Variants in ABLIM2 observed in about 807,000 individuals in gnomAD.
The protein encoded by ABLIM2 is actin-binding LIM protein 2.
Under a neutral mutation model 97.7 loss-of-function variants are expected in ABLIM2, and 53 were observed. The observed-to-expected ratio is 0.54, with a 90% CI of 0.44 to 0.68. The LOEUF (loss-of-function observed/expected upper bound fraction) is 0.68, where lower values mean the gene tolerates loss of function less well. ABLIM2 is among the 30% of genes least tolerant of loss of function. ABLIM2 has a pLI of 0.00. For missense variants in ABLIM2, 835 were observed against 867.2 expected, an observed-to-expected ratio of 0.96 and a Z score of 0.47; for synonymous variants, 361 against 345.8, an observed-to-expected ratio of 1.04 and a Z score of -0.49.
intron 12 of ABLIM2, among the ~76,000 whole-genome samples, chr4:8,026,422 C>T (rs928610690): frequency 2.0e-5 from 3 of 152,230 alleles, no homozygotes; most frequent in Admixed American, 1.3e-4. Flanking sequence ...CCACGGGGCC[C>T]GCCCAAAGCA....
Position 7,998,894 on chromosome 4 carries a change from C to T in ABLIM2, c.1619-5967G>A, listed in dbSNP as rs1014507844. Among the ~76,000 whole-genome samples the T allele has an allele frequency of 1.3e-5, 2 of 152,138 alleles. No individual in the cohort carries two copies. The highest frequency in any genetic ancestry group is 6.6e-5 in the Admixed American group (1 of 15,264). ...CCGTCTGCCGTATCATTTGCAGGTC[C>T]GTTTAGCTGTATGTAGCAGAGAAGA... On this transcript the variant is annotated intron_variant, in intron 16 of 20. Transcript: ENST00000447017. This position sits in a 1 kb window ranked among gnomAD's most constrained non-coding sequence, Gnocchi z 6.4.
In ABLIM2 at chr4:7,992,274, A is replaced by G. The variant is rs1749457801; in HGVS notation, c.1680+592T>C. Among the ~76,000 whole-genome samples, 1 of 152,158 alleles carries G rather than the reference A, an allele frequency of 6.6e-6. No homozygotes were observed. The highest frequency in any genetic ancestry group is 1.5e-5 in the Non-Finnish European group (1 of 68,018). On this transcript the variant is annotated intron_variant, in intron 17 of 20. Coordinates refer to ENST00000447017, the MANE Select transcript of ABLIM2 (RefSeq NM_001130083.2). The surrounding 1 kb of genome is among the most constrained non-coding windows in gnomAD (Gnocchi z 5.7). ...CCCCAGATTGTCTGGGCTCATATTCAGATGTCCCAAGCATCAGAAAACTCA... is the reference window on the plus strand; with the variant it reads ...CCCCAGATTGTCTGGGCTCATATTCGGATGTCCCAAGCATCAGAAAACTCA...
At chr4:7,979,376 C>T (rs1310552148) in intron 20 of ABLIM2, among the ~76,000 whole-genome samples, 1 of 152,232 alleles carries the variant, frequency 6.6e-6, no homozygotes, top group Non-Finnish European at 1.5e-5. Flanking sequence ...ATCTCCCACC[C>T]TCCCGCAGGC....
chr4:8,005,624 G>A lies in ABLIM2; in HGVS notation c.1618+2435C>T, dbSNP rs1231854027. ...TCCCGCCTGGATTCCTCAGGAGGCC[G>A]CAGACGGCAAGGCTCACCTGATCCA... On this transcript the variant is annotated intron_variant, in intron 16 of 20. Coordinates refer to ENST00000447017, the MANE Select transcript of ABLIM2 (RefSeq NM_001130083.2). This position sits in a 1 kb window ranked among gnomAD's most constrained non-coding sequence, Gnocchi z 4.9. Among the ~76,000 whole-genome samples the A allele has an allele frequency of 6.6e-6, 1 of 152,164 alleles. No individual in the cohort carries two copies. The highest frequency in any genetic ancestry group is 1.5e-5 in the Non-Finnish European group (1 of 68,044).
rs1845801877 is a variant in ABLIM2 at position 8,122,226 on chromosome 4, T to G, written c.11-15589A>C. 6.6e-6 allele frequency among the ~76,000 whole-genome samples: 1 copy of G among 152,180 alleles called. No homozygotes were observed. Among genetic ancestry groups the G allele is most frequent in the East Asian group, 1.9e-4 (1 of 5,186 alleles). ...CTGGATGGGGAGTCTCGCTGCCCCC[T>G]GTGCATCTCCATCATATCCGAATGG... On this transcript the variant is annotated intron_variant, in intron 1 of 20. Transcript: ENST00000447017. This position sits in a 1 kb window ranked among gnomAD's most constrained non-coding sequence, Gnocchi z 4.1.
intron 2 of ABLIM2, among the ~76,000 whole-genome samples, chr4:8,106,144 C>T (rs556484810): frequency 4.4e-4 from 67 of 152,330 alleles, no homozygotes; most frequent in Non-Finnish European, 6.8e-4. Context: ...TGAGTTCATG[C>T]GGCTGACCAT....
At position 8,124,621 on chromosome 4, in the gene ABLIM2, G is replaced by C. The variant is rs369458227; in HGVS notation, c.11-17984C>G. 1.2e-3 allele frequency among the ~76,000 whole-genome samples: 181 copies of C among 152,300 alleles called. 3 individuals carry two copies. The South Asian group carries it at 0.036, about 30-fold the overall frequency. On this transcript the variant is annotated intron_variant, in intron 1 of 20. Coordinates refer to ENST00000447017, the MANE Select transcript of ABLIM2 (RefSeq NM_001130083.2). This position sits in a 1 kb window ranked among gnomAD's most constrained non-coding sequence, Gnocchi z 6.1. ...TTTGATGGCTGAGAAATATTCCGTT[G>C]TACAGACAGACCCTATTTGGCTCAT...
rs891920090 is a variant in ABLIM2 at position 8,027,807 on chromosome 4, G to C, written c.1219C>G (p.Pro407Ala). ...TSSCLSLSQHPSPTSVFRHHY... is the reference protein window; with the variant it reads ...TSSCLSLSQHASPTSVFRHHY... ...TGTCTGAACACGGATGTAGGGCTTG[G>C]GTGTTGGGACAGGGAGAGGCAGCTA... Residue 407 changes from proline (P) to alanine (A), a missense_variant, in exon 12 of 21, where the codon CCA (proline) becomes GCA (alanine). Coordinates refer to ENST00000447017, the MANE Select transcript of ABLIM2 (RefSeq NM_001130083.2). The C allele has an allele frequency of 1.2e-6, 2 of 1,601,612 alleles. No individual in the cohort carries two copies. The highest frequency in any genetic ancestry group is 2.2e-5 in the South Asian group (2 of 89,144).
chr4:8,039,894 T>TTCC (rs34998079), intron 9 of ABLIM2, among the ~76,000 whole-genome samples: 12 of 145,546 alleles, frequency 8.2e-5, no homozygotes, highest in South Asian at 2.1e-4. Context: ...TTTTTTTTTT[T>TTCC]TTAATAAATG....
rs1722460002 is a variant in ABLIM2 at position 7,965,330 on chromosome 4, T to C, written c.*1660A>G. 6.5e-6 allele frequency: 1 copy of C among 152,712 alleles called. No homozygotes were observed. The highest frequency in any genetic ancestry group is 6.5e-5 in the Admixed American group (1 of 15,290). The allele number at this position is 152,712 out of a possible 1,614,324, so 9.5% of individuals were successfully genotyped here. A position where few individuals can be genotyped will look rare whatever the true frequency, so the allele number is the denominator to read the frequency against. On this transcript the variant is annotated 3_prime_UTR_variant, in exon 21 of 21. Coordinates refer to ENST00000447017, the MANE Select transcript of ABLIM2 (RefSeq NM_001130083.2). Reference sequence around the variant, plus strand: ...AGTGATCTTGTACTTCCGCAAGTTATAATGCATCGTCTTTTATTTTCCAGG... The same window carrying C: ...AGTGATCTTGTACTTCCGCAAGTTACAATGCATCGTCTTTTATTTTCCAGG...
chr4:8,035,447 G>C (rs778700248), intron 10 of ABLIM2, among the ~76,000 whole-genome samples: 1 of 152,162 alleles, frequency 6.6e-6, no homozygotes, highest in Non-Finnish European at 1.5e-5. Context: ...TCCCCACCCC[G>C]GGGAGCCCCC....
intron 1 of ABLIM2, among the ~76,000 whole-genome samples, chr4:8,108,610 C>T (rs1435245317): frequency 6.6e-6 from 1 of 152,262 alleles, no homozygotes; most frequent in African/African-American, 2.4e-5. Context: ...CCCCGCTTTC[C>T]AGTTAGGATC....
Position 8,010,003 on chromosome 4 carries a change from T to C in ABLIM2, c.1424-901A>G, listed in dbSNP as rs116987204. Reference sequence around the variant, plus strand: ...TAACTGCTGCTGGCAAACTGCAAAATGGTGACGAGTTCTGCTACTGGAAGA... The same window carrying C: ...TAACTGCTGCTGGCAAACTGCAAAACGGTGACGAGTTCTGCTACTGGAAGA... On this transcript the variant is annotated intron_variant, in intron 14 of 20. Coordinates refer to ENST00000447017, the MANE Select transcript of ABLIM2 (RefSeq NM_001130083.2). 1.1e-3 allele frequency among the ~76,000 whole-genome samples: 161 copies of C among 152,268 alleles called. 7 individuals carry two copies. The East Asian group carries it at 0.028, about 27-fold the overall frequency.
At position 7,998,784 on chromosome 4, in the gene ABLIM2, G is replaced by A. The variant is rs1380837623; in HGVS notation, c.1619-5857C>T. The A allele has an allele frequency of 2.2e-6, 1 of 451,722 alleles. No homozygotes were observed. Among genetic ancestry groups the A allele is most frequent in the African/African-American group, 2.0e-5 (1 of 50,074 alleles). The allele number at this position is 451,722 out of a possible 1,614,324, so 28.0% of individuals were successfully genotyped here. A position where few individuals can be genotyped will look rare whatever the true frequency, so the allele number is the denominator to read the frequency against. ...TGCTGGGTGGGGGTGGGAGTGGGCA[G>A]GCAGGGCTGCTGTCCCTTGAGGTCC... is the stretch of plus-strand genomic sequence containing the variant. On this transcript the variant is annotated intron_variant, in intron 16 of 20. Transcript: ENST00000447017. The surrounding 1 kb of genome is among the most constrained non-coding windows in gnomAD (Gnocchi z 6.4).
intron 17 of ABLIM2, among the ~76,000 whole-genome samples, chr4:7,987,544 G>C (rs2149798492): frequency 6.6e-6 from 1 of 152,336 alleles, no homozygotes; most frequent in East Asian, 1.9e-4. Flanking sequence ...TTGCCACCTG[G>C]CATGTCTGAT....
rs1383495151 is a variant in ABLIM2 at position 8,032,733 on chromosome 4, G to A, written c.1048-2957C>T. Reference sequence around the variant, plus strand: ...TTAGTGCTGGCGCCAGGCAGAGAGGGAGGAGGGCAGTTCCGTGACTGGCAG... The same window carrying A: ...TTAGTGCTGGCGCCAGGCAGAGAGGAAGGAGGGCAGTTCCGTGACTGGCAG... On this transcript the variant is annotated intron_variant, in intron 10 of 20. Transcript: ENST00000447017. The surrounding 1 kb of genome is among the most constrained non-coding windows in gnomAD (Gnocchi z 4.3). 3.8e-6 allele frequency: 6 copies of A among 1,590,948 alleles called. No homozygotes were observed. Among genetic ancestry groups the A allele is most frequent in the African/African-American group, 3.1e-5 (2 of 64,588 alleles).
chr4:8,084,228 G>T (rs1163329500), intron 4 of ABLIM2, among the ~76,000 whole-genome samples: 1 of 152,196 alleles, frequency 6.6e-6, no homozygotes, highest in Non-Finnish European at 1.5e-5. Flanking sequence ...CGGCCCCAGC[G>T]CACTGCGGTC....
At chr4:8,116,507 G>T (rs1842863823) in intron 1 of ABLIM2, among the ~76,000 whole-genome samples, 1 of 152,208 alleles carries the variant, frequency 6.6e-6, no homozygotes, top group Non-Finnish European at 1.5e-5. Context: ...TGGGGATTTT[G>T]CAAGGGGTCT....
chr4:8,071,817 T>G lies in ABLIM2; in HGVS notation c.675+5811A>C. 1 of 985,168 alleles carries G rather than the reference T, an allele frequency of 1.0e-6. No homozygotes were observed. Among genetic ancestry groups the G allele is most frequent in the Non-Finnish European group, 1.2e-6 (1 of 829,932 alleles). The allele number at this position is 985,168 out of a possible 1,614,324, so 61.0% of individuals were successfully genotyped here. On this transcript the variant is annotated intron_variant, in intron 6 of 20. Coordinates refer to ENST00000447017, the MANE Select transcript of ABLIM2 (RefSeq NM_001130083.2). This position sits in a 1 kb window ranked among gnomAD's most constrained non-coding sequence, Gnocchi z 6.2. ...GCCCAGTCTGACGGCCCTGCTTGAG[T>G]GCCGTGCTCCCTGGAACGTGTGCCT...
Sources: allele counts gnomAD v4.1 joint callset (sites outside exome capture counted in the v4.1 genomes callset), GRCh38; gene constraint gnomAD v4.1.1; non-coding constraint Gnocchi (gnomAD v3.1); transcripts MANE v1.5; gene names NCBI Gene and HGNC (gene_info 2026-07-23, HGNC 2026-07-21).